Variants in CEP112 observed in about 807,000 individuals in gnomAD.
The protein encoded by CEP112 is centrosomal protein of 112 kDa.
Under a neutral mutation model 153.0 loss-of-function variants are expected in CEP112, and 127 were observed. That is an observed-to-expected ratio of 0.83 (90% CI 0.72 to 0.96). CEP112 has a LOEUF of 0.96. Ranked by LOEUF, CEP112 falls within the 40% of genes least tolerant of loss-of-function variation. The pLI, the probability that CEP112 is intolerant of heterozygous loss-of-function variation, is 0.00. For synonymous variants in CEP112, 358 were observed against 374.4 expected (o/e 0.96, Z 0.51); for missense variants, 1,089 against 1,101.2 (o/e 0.99, Z 0.16).
intron 18 of CEP112, among the ~76,000 whole-genome samples, chr17:65,949,325 A>T (rs945340991): frequency 2.0e-5 from 3 of 152,220 alleles, no homozygotes; most frequent in African/African-American, 7.2e-5. Context: ...TGCACTTGGC[A>T]AAACTACATA....
At chr17:65,689,059 C>T (rs762873946) in intron 24 of CEP112, 70 bp downstream of exon 24, 5 of 1,130,278 alleles carry the variant, frequency 4.4e-6, no homozygotes, top group East Asian at 4.8e-5. Context: ...TGAGCCACTG[C>T]ACCTGGCTGC....
chr17:66,188,621 C>T (rs1385031942), intron 1 of CEP112, among the ~76,000 whole-genome samples: 1 of 150,528 alleles, frequency 6.6e-6, no homozygotes, highest in African/African-American at 2.4e-5. Context: ...TATTATTATG[C>T]ATACATCTTC....
In CEP112 at chr17:66,063,034, C is replaced by T. The variant is rs1362017392; in HGVS notation, c.1003G>A (p.Asp335Asn). 1 of 1,596,044 alleles carries T rather than the reference C, an allele frequency of 6.3e-7. No individual in the cohort carries two copies. Among genetic ancestry groups the T allele is most frequent in the South Asian group, 1.2e-5 (1 of 86,792 alleles). The change falls in exon 11 of 27, where the codon GAC (aspartate) becomes AAC (asparagine). Residue 335 changes from aspartate to asparagine, a missense_variant. Transcript: ENST00000535342. ...DCQVIRETKE[D>N]QIAELKKICE... ...ATCTTTTTCAGCTCTGCAATCTGGT[C>T]TTCTTTAGTCTCTCTGATAACTTGA...
At chr17:66,138,482 A>T (rs960497551) in intron 4 of CEP112, among the ~76,000 whole-genome samples, 1 of 152,174 alleles carries the variant, frequency 6.6e-6, no homozygotes, top group African/African-American at 2.4e-5. Context: ...CATCCATTTT[A>T]TGGGACAACT....
chr17:66,111,537 T>C (rs1407452284), intron 6 of CEP112, among the ~76,000 whole-genome samples: 4 of 152,110 alleles, frequency 2.6e-5, no homozygotes, highest in Admixed American at 2.6e-4. Flanking sequence ...AAGGATGAGA[T>C]CATTTCTTTT....
chr17:65,916,287 G>GTGTA (rs1555711270), intron 19 of CEP112, among the ~76,000 whole-genome samples: 119 of 147,584 alleles, frequency 8.1e-4, no homozygotes, highest in African/African-American at 2.8e-3. Flanking sequence ...GTGTGTGTGT[G>GTGTA]TGTGTATGTG....
chr17:66,178,726 G>A (rs945630985), intron 2 of CEP112, among the ~76,000 whole-genome samples: 1 of 152,082 alleles, frequency 6.6e-6, no homozygotes, highest in South Asian at 2.1e-4. Flanking sequence ...TTTTATTTTT[G>A]TATATGGTGG....
intron 6 of CEP112, among the ~76,000 whole-genome samples, chr17:66,102,650 T>G (rs2068612265): frequency 6.6e-6 from 1 of 150,552 alleles, no homozygotes; most frequent in Non-Finnish European, 1.5e-5. Flanking sequence ...ACAAAAAAAT[T>G]AGTCGGGTGT....
chr17:65,658,972 C>T (rs955881213), intron 24 of CEP112, among the ~76,000 whole-genome samples: 2 of 138,090 alleles, frequency 1.4e-5, no homozygotes, highest in Admixed American at 1.6e-4. Flanking sequence ...GCCAAGATCA[C>T]GCCACTGCAC....
chr17:65,866,624 C>T (rs1437803130), intron 20 of CEP112, among the ~76,000 whole-genome samples: 1 of 152,118 alleles, frequency 6.6e-6, no homozygotes, highest in Non-Finnish European at 1.5e-5. Context: ...CCTCTGAGGC[C>T]CATAAAAAGC....
At chr17:66,070,372 T>G (rs1483637290) in intron 8 of CEP112, among the ~76,000 whole-genome samples, 1 of 152,186 alleles carries the variant, frequency 6.6e-6, no homozygotes, top group African/African-American at 2.4e-5. Context: ...TTTCAGTAAG[T>G]CTCTTCCAAC....
At chr17:66,029,810 T>C (rs772284026) in intron 13 of CEP112, 59 bp downstream of exon 13, 54 of 1,439,376 alleles carry the variant, frequency 3.8e-5, no homozygotes, top group Non-Finnish European at 4.6e-5. Flanking sequence ...AGATAACTGA[T>C]ACAGTTAATA....
rs548155217 is a variant in CEP112, at chr17:65,928,778, C to G, written c.1873-1089G>C. 5.9e-5 allele frequency among the ~76,000 whole-genome samples: 9 copies of G among 152,150 alleles called. No individual in the cohort carries two copies. In the East Asian group the frequency reaches 1.7e-3, roughly 29 times the overall value. On this transcript the variant is annotated intron_variant, in intron 18 of 26. Coordinates refer to ENST00000535342, the MANE Select transcript of CEP112 (RefSeq NM_001199165.4). The stretch of plus-strand genomic sequence containing the variant: ...ATTCGAGAGGCTAAGGCAGCAGGAT[C>G]GCTTAAGCCCCAGAGGTTGTAGCTG...
chr17:65,931,640 A>G (rs1483591541), intron 18 of CEP112, among the ~76,000 whole-genome samples: 2 of 152,248 alleles, frequency 1.3e-5, no homozygotes, highest in African/African-American at 2.4e-5. Context: ...AGAGAGAACA[A>G]CAAATAGCAT....
chr17:65,923,053 G>C (rs972496219), intron 19 of CEP112, among the ~76,000 whole-genome samples: 1 of 151,974 alleles, frequency 6.6e-6, no homozygotes, highest in African/African-American at 2.4e-5. Context: ...GTATTTCAGG[G>C]GAAATACCTA....
chr17:65,965,092 A>G (rs2062361160), intron 17 of CEP112, among the ~76,000 whole-genome samples: 1 of 152,172 alleles, frequency 6.6e-6, no homozygotes, highest in African/African-American at 2.4e-5. Context: ...CACATGAACT[A>G]TTTAAACACT....
chr17:65,944,749 C>G (rs1192534576), intron 18 of CEP112, among the ~76,000 whole-genome samples: 3 of 151,852 alleles, frequency 2.0e-5, no homozygotes, highest in Admixed American at 6.6e-5. Context: ...GCCATTTTGT[C>G]CAGATAATTT....
intron 17 of CEP112, among the ~76,000 whole-genome samples, chr17:65,970,502 A>G (rs1273608236): frequency 4.6e-5 from 7 of 150,630 alleles, no homozygotes; most frequent in African/African-American, 1.5e-4. Context: ...CTACATGCAT[A>G]TTATATGCAT....
chr17:65,911,879 G>A (rs2060297121), intron 19 of CEP112, among the ~76,000 whole-genome samples: 1 of 152,094 alleles, frequency 6.6e-6, no homozygotes. Flanking sequence ...AAGATTAACA[G>A]CAGTCGTTTC....
Sources: allele counts gnomAD v4.1 joint callset (sites outside exome capture counted in the v4.1 genomes callset), GRCh38; gene constraint gnomAD v4.1.1; transcripts MANE v1.5; gene names NCBI Gene and HGNC (gene_info 2026-07-23, HGNC 2026-07-21).